The following DCAF8L2 variants were observed in gnomAD, a reference collection of about 807,000 sequenced individuals.
DCAF8L2 encodes the protein DDB1- and CUL4-associated factor 8-like protein 2.
For synonymous variants in DCAF8L2, 200 were observed against 190.9 expected (o/e 1.05, Z -0.39); for missense variants, 430 against 490.7 (o/e 0.88, Z 1.17).
intron 2 of DCAF8L2, among the ~76,000 whole-genome samples, chrX:27,641,351 C>A (rs1928709429): frequency 9.0e-6 from 1 of 110,831 alleles, no homozygotes; most frequent in African/African-American, 3.3e-5. Flanking sequence ...TAAACTAAGT[C>A]TGATAGCTAT....
At chrX:27,515,058 T>C in the DCAF8L2 span, among the ~76,000 whole-genome samples, 1 of 112,021 alleles carries the variant, frequency 8.9e-6, no homozygotes, top group Admixed American at 9.5e-5. Context: ...AAAATTTATG[T>C]TTAAAGTCAC....
the DCAF8L2 span, among the ~76,000 whole-genome samples, chrX:27,533,139 G>GAGAGAGAGAGAGAGAGAGAGAGAGA: frequency 1.3e-3 from 41 of 32,494 alleles, 8 homozygotes; most frequent in East Asian, 9.2e-3. Context: ...AGGAAGGAAG[G>GAGAGAGAGAGAGAGAGAGAGAGAGA]AAGAAAGAGA....
the DCAF8L2 span, among the ~76,000 whole-genome samples, chrX:27,491,824 C>A: frequency 9.0e-6 from 1 of 111,384 alleles, no homozygotes; most frequent in Non-Finnish European, 1.9e-5. Context: ...TCTTCTTTTT[C>A]ATGTCATTAA....
the DCAF8L2 span, among the ~76,000 whole-genome samples, chrX:27,573,682 T>C: frequency 6.3e-5 from 7 of 111,349 alleles, no homozygotes; most frequent in African/African-American, 1.3e-4. Context: ...AGGAGATGCA[T>C]TGGAGTGAGG....
the DCAF8L2 span, among the ~76,000 whole-genome samples, chrX:27,557,492 A>C: frequency 8.9e-6 from 1 of 112,112 alleles, no homozygotes; most frequent in East Asian, 2.8e-4. Context: ...ATAGCTATTA[A>C]ATTTATTGTC....
At chrX:27,677,133 C>G (rs1930166542) in intron 2 of DCAF8L2, 1 of 111,381 alleles carries the variant, frequency 9.0e-6, no homozygotes, top group African/African-American at 3.3e-5. Flanking sequence ...TTGGAGATAA[C>G]AAGGTGAATA....
intron 1 of DCAF8L2, among the ~76,000 whole-genome samples, chrX:27,599,119 T>C (rs958380953): frequency 1.8e-5 from 2 of 110,153 alleles, no homozygotes; most frequent in African/African-American, 6.6e-5. Context: ...ACAACAGAAA[T>C]TTCTGTCAAT....
the DCAF8L2 span, among the ~76,000 whole-genome samples, chrX:27,526,179 T>TG: frequency 1.8e-5 from 2 of 112,107 alleles, no homozygotes; most frequent in Non-Finnish European, 3.8e-5. Flanking sequence ...GACATAGATT[T>TG]GGTCTTTTCA....
chrX:27,587,985 A>AAAATATATATATATATATATATATAT, upstream of DCAF8L2, among the ~76,000 whole-genome samples: 6 of 22,346 alleles, frequency 2.7e-4, no homozygotes, highest in Non-Finnish European at 3.5e-4. Flanking sequence ...TAAAAAAAAA[A>AAAATATATATATATATATATATATAT]ATATATATAT....
At chrX:27,519,960 A>G in the DCAF8L2 span, among the ~76,000 whole-genome samples, 1 of 112,024 alleles carries the variant, frequency 8.9e-6, no homozygotes, top group Non-Finnish European at 1.9e-5. Flanking sequence ...AAATATTGAT[A>G]AATTAGATGA....
chrX:27,711,450 G>C (rs1467365043), intron 3 of DCAF8L2, among the ~76,000 whole-genome samples: 2 of 102,988 alleles, frequency 1.9e-5, no homozygotes, highest in Non-Finnish European at 4.0e-5. Context: ...ATTTGACTTT[G>C]TTCTTTAGAA....
intron 1 of DCAF8L2, among the ~76,000 whole-genome samples, chrX:27,622,794 GA>G (rs34832962): frequency 0.18 from 19,700 of 110,033 alleles, 1,413 homozygotes; most frequent in East Asian, 0.4. Flanking sequence ...GAGAAATAGT[GA>G]TTTTGACAGG....
chrX:27,747,282 AGAGGAGGAGGAGGAGGAG>A lies in DCAF8L2; in HGVS notation c.417_434del (p.Glu142_Glu147del), dbSNP rs745536197. ...AAGAGGAGGGAGGGGAGGAGGAGGAAGAGGAGGAGGAGGAGGAGGAGGAGGAGGAGGAGGAGGAGGAGG... is the reference window on the plus strand; with the variant it reads ...AAGAGGAGGGAGGGGAGGAGGAGGAAGAGGAGGAGGAGGAGGAGGAGGAGG... On this transcript the variant is annotated inframe_deletion, in exon 5 of 5. Coordinates refer to ENST00000451261, the MANE Select transcript of DCAF8L2 (RefSeq NM_001353450.2). The A allele has an allele frequency of 0.015, 14,110 of 936,579 alleles. 59 individuals carry two copies. The highest frequency in any genetic ancestry group is 0.017 in the Non-Finnish European group (12,190 of 701,473). 77.2% of individuals were successfully genotyped at this position (936,579 alleles called of 1,213,427 possible).
chrX:27,514,281 ACATATG>A, the DCAF8L2 span, among the ~76,000 whole-genome samples: 1 of 38,299 alleles, frequency 2.6e-5, no homozygotes, highest in Admixed American at 4.1e-4. Flanking sequence ...GCACATATGT[ACATATG>A]TGTGTGCATA....
At chrX:27,703,933 C>G (rs1931224298) in intron 3 of DCAF8L2, among the ~76,000 whole-genome samples, 1 of 107,569 alleles carries the variant, frequency 9.3e-6, no homozygotes, top group Non-Finnish European at 1.9e-5. Flanking sequence ...CAAAGATCAC[C>G]ATAAAGGAAG....
At chrX:27,622,284 G>C (rs1459182261) in intron 1 of DCAF8L2, among the ~76,000 whole-genome samples, 6 of 100,403 alleles carry the variant, frequency 6.0e-5, no homozygotes, top group African/African-American at 1.8e-4. Context: ...AATTAGCCGG[G>C]CGTAGTGGCG....
chrX:27,587,210 G>C (rs2147102754), upstream of DCAF8L2, among the ~76,000 whole-genome samples: 1 of 111,426 alleles, frequency 9.0e-6, no homozygotes, highest in East Asian at 2.8e-4. Context: ...TACATTTAAA[G>C]AAATATGTAG....
chrX:27,665,102 A>G (rs1188943778), intron 2 of DCAF8L2, among the ~76,000 whole-genome samples: 1 of 111,059 alleles, frequency 9.0e-6, no homozygotes, highest in Non-Finnish European at 1.9e-5. Flanking sequence ...GCTTCCATAG[A>G]TAATTATTCC....
chrX:27,504,094 G>A, the DCAF8L2 span, among the ~76,000 whole-genome samples: 1 of 111,761 alleles, frequency 8.9e-6, no homozygotes. Context: ...ATTGTGTTGG[G>A]TGGAAAAAAT....
Sources: allele counts gnomAD v4.1 joint callset (sites outside exome capture counted in the v4.1 genomes callset), GRCh38; gene constraint gnomAD v4.1.1; transcripts MANE v1.5; gene names NCBI Gene and HGNC (gene_info 2026-07-23, HGNC 2026-07-21).